PACS1: variants seen among roughly 807,000 people sequenced by gnomAD.
The protein encoded by PACS1 is phosphofurin acidic cluster sorting protein 1.
A neutral mutation model predicts 115.0 loss-of-function variants in PACS1; 24 were observed. The ratio of observed to expected loss-of-function variants is 0.21; its 90% confidence interval spans 0.15 to 0.29. The LOEUF (loss-of-function observed/expected upper bound fraction) is 0.29. Ranked by LOEUF, PACS1 falls within the 10% of genes least tolerant of loss-of-function variation. The pLI, the probability that PACS1 is intolerant of heterozygous loss-of-function variation, is 1.00. For missense variants in PACS1, 838 were observed against 1,251.2 expected (o/e 0.67, Z 4.98); for synonymous variants, 453 against 504.5 (o/e 0.90, Z 1.37).
chr11:66,070,855 G>A lies in PACS1; in HGVS notation c.356+13G>A, dbSNP rs532276860. The A allele has an allele frequency of 2.9e-5, 42 of 1,443,428 alleles. No homozygotes were observed. The East Asian group carries it at 9.3e-4, about 32-fold the overall frequency. 89.4% of individuals were successfully genotyped at this position (1,443,428 alleles called of 1,614,324 possible). A position where few individuals can be genotyped will look rare whatever the true frequency, so the allele number is the denominator to read the frequency against. On this transcript the variant is annotated intron_variant, in intron 1 of 23. Coordinates refer to ENST00000320580, the MANE Select transcript of PACS1 (RefSeq NM_018026.4). This position sits in a 1 kb window ranked among gnomAD's most constrained non-coding sequence, Gnocchi z 5.9. ...GCTGCGTGCCTAGGTGAGCGCGGGA[G>A]GGTGCGGCGGGGCGCCGGGGGAGCG...
intron 2 of PACS1, among the ~76,000 whole-genome samples, chr11:66,200,331 A>G (rs1428463767): frequency 1.3e-5 from 2 of 152,234 alleles, no homozygotes; most frequent in African/African-American, 4.8e-5. Flanking sequence ...ACCTTGGGCA[A>G]CAGAGTGAGA....
intron 1 of PACS1, among the ~76,000 whole-genome samples, chr11:66,093,301 A>G (rs181952913): frequency 6.6e-6 from 1 of 151,900 alleles, no homozygotes; most frequent in African/African-American, 2.4e-5. Flanking sequence ...CAGGAAACCC[A>G]TCTCACGTGC....
In PACS1 at chr11:66,238,822, G is replaced by C; in HGVS notation, c.2269G>C (p.Val757Leu). The C allele has an allele frequency of 6.3e-7, 1 of 1,588,136 alleles. No homozygotes were observed. The highest frequency in any genetic ancestry group is 8.6e-7 in the Non-Finnish European group (1 of 1,165,346). The change falls in exon 20 of 24, where the codon GTT becomes CTT. Residue 757 changes from valine to leucine, a missense_variant. Physicochemically the swap from Val to Leu is conservative, Grantham distance 32. This residue lies in a region of PACS1 where 383 missense variants were observed against 537.0 expected (regional missense o/e 0.71). Transcript: ENST00000320580. ...CTTGCAGGTGGTGAAGGTGGGTCTG[G>C]TTGAAGACTCTCCCTCCACAGCAGG... ...PFIGVVKVGL[V>L]EDSPSTAGDG...
intron 1 of PACS1, among the ~76,000 whole-genome samples, chr11:66,121,645 C>G (rs1231965589): frequency 1.3e-5 from 2 of 152,170 alleles, no homozygotes. Flanking sequence ...AGCAAAACAA[C>G]CTTATTGCTG....
At chr11:66,210,473 G>A (rs760583195) in intron 3 of PACS1, 22 bp downstream of exon 3, 2 of 1,519,036 alleles carry the variant, frequency 1.3e-6, no homozygotes, top group Non-Finnish European at 1.8e-6. Flanking sequence ...CTAATCTTAG[G>A]CCCCTAACAT....
intron 7 of PACS1, 90 bp downstream of exon 7, chr11:66,216,865 C>A: frequency 6.1e-6 from 5 of 818,120 alleles, no homozygotes; most frequent in East Asian, 2.8e-5. Flanking sequence ...GTGGAGACTT[C>A]TTAAAATCAA....
chr11:66,223,054 CAAAAAAAAAAAA>C (rs71461612), intron 10 of PACS1, among the ~76,000 whole-genome samples: 3 of 75,006 alleles, frequency 4.0e-5, no homozygotes, highest in African/African-American at 1.1e-4. Context: ...CCTCGATTTA[CAAAAAAAAAAAA>C]AAAAAAAAAA....
At chr11:66,164,601 TA>T (rs1859560080) in intron 1 of PACS1, among the ~76,000 whole-genome samples, 1 of 144,940 alleles carries the variant, frequency 6.9e-6, no homozygotes, top group African/African-American at 2.5e-5. Flanking sequence ...ATATAATATA[TA>T]ATACATATAT....
intron 1 of PACS1, among the ~76,000 whole-genome samples, chr11:66,128,758 C>T (rs1858635279): frequency 6.6e-6 from 1 of 151,892 alleles, no homozygotes; most frequent in East Asian, 1.9e-4. Context: ...GTGACATGCG[C>T]CTGTAATCTC....
At chr11:66,116,770 G>T (rs1330444892) in intron 1 of PACS1, among the ~76,000 whole-genome samples, 1 of 151,874 alleles carries the variant, frequency 6.6e-6, no homozygotes, top group Non-Finnish European at 1.5e-5. Context: ...TGTGTCTGTG[G>T]TCCCAGCTAC....
intron 1 of PACS1, among the ~76,000 whole-genome samples, chr11:66,168,740 G>T (rs1859665677): frequency 7.0e-6 from 1 of 142,988 alleles, no homozygotes; most frequent in Admixed American, 6.9e-5. Context: ...TTCCTAAATA[G>T]TATATATATA....
intron 1 of PACS1, among the ~76,000 whole-genome samples, chr11:66,099,068 G>A (rs895011175): frequency 6.6e-6 from 1 of 151,298 alleles, no homozygotes; most frequent in African/African-American, 2.4e-5. Context: ...CTTTTCAATG[G>A]AGTCTCACTC....
chr11:66,189,893 G>A (rs189811736), intron 1 of PACS1, among the ~76,000 whole-genome samples: 3 of 152,270 alleles, frequency 2.0e-5, no homozygotes, highest in East Asian at 1.9e-4. Context: ...TAGGGGAAAG[G>A]CACTCAAGGC....
intron 1 of PACS1, among the ~76,000 whole-genome samples, chr11:66,106,078 A>C (rs1858032149): frequency 6.6e-6 from 1 of 152,164 alleles, no homozygotes. Context: ...TAGAAGATGC[A>C]AGTCATTTGA....
intron 1 of PACS1, among the ~76,000 whole-genome samples, chr11:66,082,623 A>G (rs1857505455): frequency 6.6e-6 from 1 of 152,148 alleles, no homozygotes; most frequent in Non-Finnish European, 1.5e-5. Flanking sequence ...GCACTTTGGG[A>G]GGCCGAGGTG....
In PACS1 at chr11:66,070,563, C is replaced by T. The variant is rs1343494175; in HGVS notation, c.77C>T (p.Ala26Val). The change falls in exon 1 of 24, where the codon GCC (alanine) becomes GTC (valine). Residue 26 changes from alanine (A) to valine (V), a missense_variant. This residue lies in a region of PACS1 where 129 missense variants were observed against 109.4 expected (regional missense o/e 1.18). Transcript: ENST00000320580. The surrounding 1 kb of genome is among the most constrained non-coding windows in gnomAD (Gnocchi z 5.9). Reference protein sequence around the residue: ...GGSGQRGSGVAQSPQQPPPQQ... With the variant: ...GGSGQRGSGVVQSPQQPPPQQ... ...AGCGGCCAGCGGGGATCCGGGGTCG[C>T]CCAGTCCCCTCAGCAGCCGCCGCCG... The T allele has an allele frequency of 3.9e-5, 57 of 1,469,080 alleles. No homozygotes were observed. The highest frequency in any genetic ancestry group is 4.9e-5 in the Non-Finnish European group (55 of 1,117,072). 91.0% of individuals were successfully genotyped at this position (1,469,080 alleles called of 1,614,324 possible). A position where few individuals can be genotyped will look rare whatever the true frequency, so the allele number is the denominator to read the frequency against.
intron 1 of PACS1, among the ~76,000 whole-genome samples, chr11:66,091,786 G>A (rs373935626): frequency 1.3e-5 from 2 of 150,962 alleles, no homozygotes; most frequent in Non-Finnish European, 2.9e-5. Context: ...GTTTTTTGTT[G>A]TTGCGATAGT....
At chr11:66,173,614 G>A (rs1859788978) in intron 1 of PACS1, among the ~76,000 whole-genome samples, 1 of 152,070 alleles carries the variant, frequency 6.6e-6, no homozygotes, top group South Asian at 2.1e-4. Flanking sequence ...GGAGGCTGAG[G>A]CAGGAGAATC....
At chr11:66,161,810 A>G (rs1859492437) in intron 1 of PACS1, among the ~76,000 whole-genome samples, 1 of 152,226 alleles carries the variant, frequency 6.6e-6, no homozygotes, top group African/African-American at 2.4e-5. Flanking sequence ...AAATTAGAGA[A>G]TGAGCATTCA....
Sources: gnomAD v4.1 joint callset for allele counts (sites outside exome capture counted in the v4.1 genomes callset) on GRCh38, gnomAD v4.1.1 for gene constraint, gnomAD v4.1.1 regional missense constraint, Gnocchi (gnomAD v3.1) non-coding constraint, MANE v1.5 for transcripts, NCBI Gene and HGNC (gene_info 2026-07-23, HGNC 2026-07-21) for gene names.